Variants in MACROD2 observed in about 807,000 individuals in gnomAD.
The protein encoded by MACROD2 is ADP-ribose glycohydrolase MACROD2.
In MACROD2, 36 loss-of-function variants were observed where a neutral mutation model predicts 70.4. The observed-to-expected ratio is 0.51, with a 90% CI of 0.39 to 0.68. The LOEUF is 0.68. Among genes scored for constraint, MACROD2 ranks in the 30% least tolerant of loss-of-function variants. MACROD2 has a pLI of 0.00. For synonymous variants in MACROD2, 172 were observed against 178.8 expected (o/e 0.96, Z 0.30); for missense variants, 496 against 538.4 (o/e 0.92, Z 0.78).
intron 5 of MACROD2, among the ~76,000 whole-genome samples, chr20:15,016,498 G>C (rs2075122457): frequency 6.6e-6 from 1 of 152,130 alleles, no homozygotes; most frequent in Non-Finnish European, 1.5e-5. Flanking sequence ...CACTGGGGCA[G>C]ATCCCTCAAG....
At chr20:14,297,263 A>G (rs2208455) in intron 3 of MACROD2, among the ~76,000 whole-genome samples, 104,399 of 151,510 alleles carry the variant, frequency 0.69, 36,857 homozygotes, top group Non-Finnish European at 0.74. Flanking sequence ...AGATGTTCAA[A>G]TAAAAGGAAG....
intron 6 of MACROD2, among the ~76,000 whole-genome samples, chr20:15,381,911 C>T (rs569758158): frequency 1.6e-4 from 24 of 152,162 alleles, no homozygotes; most frequent in African/African-American, 5.8e-4. Flanking sequence ...ACAAATGACT[C>T]CTGGATTTCT....
chr20:14,875,200 G>T (rs1307001218), intron 5 of MACROD2, among the ~76,000 whole-genome samples: 1 of 151,908 alleles, frequency 6.6e-6, no homozygotes, highest in Non-Finnish European at 1.5e-5. Context: ...AGCCAACATA[G>T]TGAAACCCCA....
chr20:15,424,442 G>A (rs957051606), intron 6 of MACROD2, among the ~76,000 whole-genome samples: 2 of 152,206 alleles, frequency 1.3e-5, no homozygotes, highest in East Asian at 3.9e-4. Context: ...GTGGGGCCAA[G>A]CACAGTGGCT....
intron 9 of MACROD2, among the ~76,000 whole-genome samples, chr20:15,884,310 C>T (rs904038607): frequency 6.6e-6 from 1 of 152,042 alleles, no homozygotes; most frequent in African/African-American, 2.4e-5. Context: ...GGGAGAAGGG[C>T]ATTGCTAGCA....
intron 3 of MACROD2, among the ~76,000 whole-genome samples, chr20:14,215,377 CACA>C (rs1463317368): frequency 3.3e-5 from 5 of 150,346 alleles, no homozygotes; most frequent in African/African-American, 1.2e-4. Flanking sequence ...CACACACACA[CACA>C]CCACAGTTTC....
At chr20:14,080,954 C>A (rs539192895) in intron 2 of MACROD2, among the ~76,000 whole-genome samples, 1 of 152,340 alleles carries the variant, frequency 6.6e-6, no homozygotes, top group Admixed American at 6.5e-5. Flanking sequence ...ATGAGAATCT[C>A]TTCTTTCCTT....
At chr20:14,023,056 TC>T (rs1227776605) in intron 2 of MACROD2, among the ~76,000 whole-genome samples, 2 of 152,228 alleles carry the variant, frequency 1.3e-5, no homozygotes, top group African/African-American at 4.8e-5. Context: ...CCATGTCCTC[TC>T]CAGCATCTGT....
chr20:15,717,549 A>G (rs1384394078), intron 8 of MACROD2, among the ~76,000 whole-genome samples: 3 of 152,248 alleles, frequency 2.0e-5, no homozygotes, highest in African/African-American at 7.2e-5. Context: ...TGTCATTGCC[A>G]CTACCTGTGG....
rs944382212 is a variant in MACROD2, at chr20:15,510,311, G to A, written c.645+10464G>A. Among the ~76,000 whole-genome samples, 5 of 152,128 alleles carry A rather than the reference G, an allele frequency of 3.3e-5. No individual in the cohort carries two copies. The East Asian group carries it at 7.7e-4, about 23-fold the overall frequency. ...AGGACATTCTAACAACCATTTTCTG[G>A]AGATAGAAGCATGCACCTTCATCCC... is the stretch of plus-strand genomic sequence containing the variant. On this transcript the variant is annotated intron_variant, in intron 8 of 17. Coordinates refer to ENST00000684519, the MANE Select transcript of MACROD2 (RefSeq NM_001351661.2).
At chr20:15,000,555 G>A (rs1332459588) in intron 5 of MACROD2, among the ~76,000 whole-genome samples, 5 of 141,182 alleles carry the variant, frequency 3.5e-5, no homozygotes, top group Non-Finnish European at 7.5e-5. Flanking sequence ...CCCGGGAAGC[G>A]GAGCTTGCAG....
At chr20:14,826,363 A>AAT (rs1201230342) in intron 5 of MACROD2, among the ~76,000 whole-genome samples, 3 of 152,104 alleles carry the variant, frequency 2.0e-5, no homozygotes, top group Admixed American at 6.5e-5. Context: ...ATATCAGGCT[A>AAT]ATGTCTCTAA....
At chr20:14,857,709 T>C (rs2073269986) in intron 5 of MACROD2, among the ~76,000 whole-genome samples, 2 of 152,212 alleles carry the variant, frequency 1.3e-5, no homozygotes, top group Non-Finnish European at 2.9e-5. Context: ...AATACTAATT[T>C]AAAGGAATTC....
chr20:15,502,874 C>T (rs544707516), intron 8 of MACROD2, among the ~76,000 whole-genome samples: 40 of 152,196 alleles, frequency 2.6e-4, no homozygotes, highest in Admixed American at 2.1e-3. Context: ...CTTACAAATC[C>T]GGGCTGACAG....
intron 5 of MACROD2, among the ~76,000 whole-genome samples, chr20:14,757,095 A>G (rs1163353227): frequency 2.0e-5 from 3 of 152,206 alleles, no homozygotes; most frequent in African/African-American, 4.8e-5. Flanking sequence ...ATGGACTAAT[A>G]TAATGTTTAT....
chr20:14,051,779 A>G (rs2053570963), intron 2 of MACROD2: 3 of 454,242 alleles, frequency 6.6e-6, no homozygotes, highest in Admixed American at 2.4e-5. Context: ...CAGAATAGTA[A>G]CATGTAAGTA....
chr20:15,106,413 C>A (rs2075911123), intron 5 of MACROD2, among the ~76,000 whole-genome samples: 1 of 151,968 alleles, frequency 6.6e-6, no homozygotes, highest in Non-Finnish European at 1.5e-5. Flanking sequence ...GTAGTGAATA[C>A]CTATTCTGTA....
At chr20:14,059,627 G>C (rs2053669553) in intron 2 of MACROD2, among the ~76,000 whole-genome samples, 1 of 152,168 alleles carries the variant, frequency 6.6e-6, no homozygotes, top group Admixed American at 6.5e-5. Context: ...GTGGTTCAGG[G>C]AGAGGGGTTA....
At position 14,579,308 on chromosome 20, in the gene MACROD2, A is replaced by AT. The variant is rs1363641524; in HGVS notation, c.301+85806dup. 2.0e-5 allele frequency among the ~76,000 whole-genome samples: 3 copies of AT among 150,936 alleles called. No homozygotes were observed. In the East Asian group the frequency reaches 5.9e-4, roughly 30 times the overall value. ...AGGCGCCCGCCACCGCGCCCGGCTA[A>AT]TTTTTTGTATTTTTAGTAGAGACGG... On this transcript the variant is annotated intron_variant, in intron 4 of 17. Transcript: ENST00000684519.
Sources: gnomAD v4.1 joint callset for allele counts (sites outside exome capture counted in the v4.1 genomes callset) on GRCh38, gnomAD v4.1.1 for gene constraint, MANE v1.5 for transcripts, NCBI Gene and HGNC (gene_info 2026-07-23, HGNC 2026-07-21) for gene names.